Variants in TENM1 observed in about 807,000 individuals in gnomAD.
TENM1 encodes teneurin-1.
Under a neutral mutation model 174.8 loss-of-function variants are expected in TENM1, and 35 were observed. That is an observed-to-expected ratio of 0.20 (90% CI 0.15 to 0.27). TENM1 has a LOEUF of 0.27. Among genes scored for constraint, TENM1 ranks in the 10% least tolerant of loss-of-function variants. The probability of loss-of-function intolerance (pLI) is 1.00; values close to 1 mark genes in which losing one functional copy is unlikely to be tolerated. For synonymous variants in TENM1, 781 were observed against 798.7 expected (o/e 0.98, Z 0.37); for missense variants, 1,633 against 2,130.1 (o/e 0.77, Z 4.59).
intron 1 of TENM1, among the ~76,000 whole-genome samples, chrX:124,926,174 G>A (rs947452922): frequency 8.9e-6 from 1 of 112,138 alleles, no homozygotes; most frequent in African/African-American, 3.2e-5. Context: ...AGTCACTTAC[G>A]TGCTGGCCAC....
intron 3 of TENM1, among the ~76,000 whole-genome samples, chrX:124,774,440 C>T (rs1210790662): frequency 9.0e-6 from 1 of 110,594 alleles, no homozygotes; most frequent in Non-Finnish European, 1.9e-5. Context: ...AATAAACATT[C>T]TAGAAAAAGA....
the TENM1 span, among the ~76,000 whole-genome samples, chrX:125,036,334 T>C: frequency 8.9e-6 from 1 of 111,878 alleles, no homozygotes; most frequent in East Asian, 2.8e-4. Flanking sequence ...AAATAAAGCA[T>C]CGTGGCTTTG....
the TENM1 span, among the ~76,000 whole-genome samples, chrX:125,112,347 A>G: frequency 9.1e-6 from 1 of 110,424 alleles, no homozygotes; most frequent in Non-Finnish European, 1.9e-5. Flanking sequence ...TTAATGTGGA[A>G]GAGACTTCTG....
intron 20 of TENM1, among the ~76,000 whole-genome samples, chrX:124,495,190 T>G (rs111863930): frequency 1.1e-5 from 1 of 88,297 alleles, no homozygotes; most frequent in East Asian, 3.7e-4. Context: ...TCCTGACTTT[T>G]TAATGATTGC....
intron 23 of TENM1, among the ~76,000 whole-genome samples, chrX:124,450,533 TG>T (rs781292002): frequency 9.0e-6 from 1 of 111,368 alleles, no homozygotes; most frequent in Non-Finnish European, 1.9e-5. Context: ...TGCACAGTCT[TG>T]GGTATGTCTT....
rs775536044 is a variant in TENM1, at chrX:124,794,789, G to C, written c.536-57592C>G. On this transcript the variant is annotated intron_variant, in intron 3 of 31. Transcript: ENST00000422452. Reference sequence around the variant, plus strand: ...TGTGACCTGGTTGCTGTTTAGCTTAGAGTTTCCTCTGTTGAGCTATTCTCC... The same window carrying C: ...TGTGACCTGGTTGCTGTTTAGCTTACAGTTTCCTCTGTTGAGCTATTCTCC... 7.2e-5 allele frequency among the ~76,000 whole-genome samples: 8 copies of C among 111,598 alleles called. No homozygotes were observed. The East Asian group carries it at 1.4e-3, about 20-fold the overall frequency.
the TENM1 span, among the ~76,000 whole-genome samples, chrX:125,135,461 C>T: frequency 8.9e-6 from 1 of 111,853 alleles, no homozygotes; most frequent in Non-Finnish European, 1.9e-5. Flanking sequence ...AACAGGATGA[C>T]TACTAAATGA....
At chrX:124,852,782 T>C (rs2056746187) in intron 3 of TENM1, among the ~76,000 whole-genome samples, 1 of 111,393 alleles carries the variant, frequency 9.0e-6, no homozygotes, top group Non-Finnish European at 1.9e-5. Flanking sequence ...AGGACAGATA[T>C]CTGGTGAACA....
At chrX:125,089,967 C>G in the TENM1 span, among the ~76,000 whole-genome samples, 1 of 111,568 alleles carries the variant, frequency 9.0e-6, no homozygotes, top group African/African-American at 3.3e-5. Context: ...GCTACTCATT[C>G]TATCTCACTC....
In TENM1 at chrX:124,886,606, G is replaced by C. The variant is rs1045942208; in HGVS notation, c.535+7690C>G. ...ATCCACCAGCTATAAAGTACAAATAGTTGACTTTTACCACTTAAAAATGTA... is the reference window on the plus strand; with the variant it reads ...ATCCACCAGCTATAAAGTACAAATACTTGACTTTTACCACTTAAAAATGTA... On this transcript the variant is annotated intron_variant, in intron 3 of 31. Transcript: ENST00000422452. 3.1e-5 allele frequency among the ~76,000 whole-genome samples: 3 copies of C among 96,967 alleles called. No individual in the cohort carries two copies. The South Asian group carries it at 1.5e-3, about 50-fold the overall frequency. The allele number at this position is 96,967 out of a possible 115,157, so 84.2% of individuals were successfully genotyped here.
intron 5 of TENM1, among the ~76,000 whole-genome samples, chrX:124,673,400 T>C (rs1031375819): frequency 1.8e-5 from 2 of 111,923 alleles, no homozygotes; most frequent in Non-Finnish European, 3.8e-5. Context: ...TTGAGTGATA[T>C]GATCAGAATT....
intron 22 of TENM1, among the ~76,000 whole-genome samples, chrX:124,457,848 A>C (rs893295333): frequency 2.7e-5 from 3 of 112,160 alleles, no homozygotes; most frequent in African/African-American, 9.7e-5. Context: ...GAGGCCACCT[A>C]CATTTTTATT....
chrX:124,577,279 T>A (rs1602697246), intron 11 of TENM1, among the ~76,000 whole-genome samples: 1 of 111,452 alleles, frequency 9.0e-6, no homozygotes, highest in East Asian at 2.8e-4. Flanking sequence ...AGCAGCTTTC[T>A]GTCAAAGACC....
exon 27 of TENM1, chrX:124,405,191 C>T (rs1475765622): frequency 8.3e-7 from 1 of 1,211,662 alleles, no homozygotes. Context: ...TGAGCTGAGG[C>T]CGATCTCCAT....
At chrX:124,434,728 T>A (rs917093206) in intron 23 of TENM1, among the ~76,000 whole-genome samples, 3 of 112,384 alleles carry the variant, frequency 2.7e-5, no homozygotes, top group Non-Finnish European at 3.8e-5. Flanking sequence ...AACTACAGAA[T>A]GTCCTTCAGA....
intron 6 of TENM1, among the ~76,000 whole-genome samples, chrX:124,660,015 T>G (rs2051552068): frequency 8.9e-6 from 1 of 111,883 alleles, no homozygotes; most frequent in Non-Finnish European, 1.9e-5. Flanking sequence ...GGGCTAAAGC[T>G]GTACAATTCT....
the TENM1 span, among the ~76,000 whole-genome samples, chrX:125,034,281 T>A: frequency 5.3e-5 from 6 of 112,184 alleles, no homozygotes; most frequent in Middle Eastern, 9.3e-3. Context: ...ATTTTCTATG[T>A]TACACTGCTC....
chrX:125,061,576 T>A, the TENM1 span, among the ~76,000 whole-genome samples: 1 of 111,750 alleles, frequency 8.9e-6, no homozygotes. Context: ...GGCAACAAGA[T>A]ACAGTGAGGG....
chrX:124,860,169 G>A (rs191753926), intron 3 of TENM1, among the ~76,000 whole-genome samples: 12 of 111,782 alleles, frequency 1.1e-4, no homozygotes, highest in Non-Finnish European at 1.7e-4. Context: ...TCTACATAGT[G>A]ACCTCACACA....
Sources: gnomAD v4.1 joint callset for allele counts (sites outside exome capture counted in the v4.1 genomes callset) on GRCh38, gnomAD v4.1.1 for gene constraint, MANE v1.5 for transcripts, NCBI Gene and HGNC (gene_info 2026-07-23, HGNC 2026-07-21) for gene names.